Variants in ACTN1 observed in about 807,000 individuals in gnomAD.
ACTN1 encodes the protein actinin alpha 1, also known as alpha-actinin-1.
A neutral mutation model predicts 119.6 loss-of-function variants in ACTN1; 30 were observed. The observed-to-expected ratio is 0.25, with a 90% CI of 0.19 to 0.34. ACTN1 has a LOEUF of 0.34. ACTN1 is among the 10% of genes least tolerant of loss of function. The probability of loss-of-function intolerance (pLI) is 1.00; values close to 1 mark genes in which losing one functional copy is unlikely to be tolerated. For synonymous variants in ACTN1, 429 were observed against 472.6 expected, an observed-to-expected ratio of 0.91 and a Z score of 1.20; for missense variants, 764 against 1,223.4, an observed-to-expected ratio of 0.62 and a Z score of 5.60.
intron 4 of ACTN1, 126 bp downstream of exon 4, chr14:68,912,030 T>G (rs1298349030): frequency 1.3e-6 from 1 of 769,050 alleles, no homozygotes; most frequent in Middle Eastern, 2.4e-4. Flanking sequence ...GCCCAATAAA[T>G]GAGCAAGAAG....
At position 68,975,767 on chromosome 14, in the gene ACTN1, T is replaced by C. The variant is rs114864294; in HGVS notation, c.105+3185A>G. 5.0e-3 allele frequency among the ~76,000 whole-genome samples: 765 copies of C among 152,306 alleles called. 6 individuals carry two copies. The highest frequency in any genetic ancestry group is 0.017 in the African/African-American group (688 of 41,548). On this transcript the variant is annotated intron_variant, in intron 1 of 21. Coordinates refer to ENST00000394419, the MANE Select transcript of ACTN1 (RefSeq NM_001130004.2). ...CTGTCTGGAAGATAACTGCATTTTG[T>C]GTCTGGAGGCATGGCGACCAGCCCA...
chr14:68,881,210 T>G, intron 16 of ACTN1: 1 of 484,962 alleles, frequency 2.1e-6, no homozygotes, highest in Middle Eastern at 5.5e-4. Flanking sequence ...ACTGTTATCA[T>G]TGGATGAAAT....
intron 1 of ACTN1, among the ~76,000 whole-genome samples, chr14:68,939,368 C>T (rs894163999): frequency 3.3e-5 from 5 of 152,178 alleles, no homozygotes; most frequent in Admixed American, 6.5e-5. Flanking sequence ...CCAGTACTTG[C>T]GACTGGGCCT....
At chr14:68,948,421 T>C (rs559196652) in intron 1 of ACTN1, among the ~76,000 whole-genome samples, 3 of 152,070 alleles carry the variant, frequency 2.0e-5, no homozygotes, top group Non-Finnish European at 4.4e-5. Flanking sequence ...CTACTAAAAA[T>C]ACAAAAATTA....
In ACTN1 at chr14:68,909,269, A is replaced by T; in HGVS notation, c.594+49T>A. On this transcript the variant is annotated intron_variant, in intron 6 of 21. Coordinates refer to ENST00000394419, the MANE Select transcript of ACTN1 (RefSeq NM_001130004.2). The surrounding 1 kb of genome is among the most constrained non-coding windows in gnomAD (Gnocchi z 4.1). ...AGGGTCCTAGTCCTGCTCTTTTCCC[A>T]CCCCACCTGCCAGGGACCCAAAGCG... The T allele has an allele frequency of 1.9e-6, 3 of 1,584,442 alleles. No homozygotes were observed. Among genetic ancestry groups the T allele is most frequent in the Non-Finnish European group, 2.6e-6 (3 of 1,155,024 alleles).
At chr14:68,900,237 A>G (rs1327296399) in intron 8 of ACTN1, among the ~76,000 whole-genome samples, 2 of 152,060 alleles carry the variant, frequency 1.3e-5, no homozygotes, top group Admixed American at 6.5e-5. Flanking sequence ...AAAATGTCCT[A>G]CTGATTTTGT....
In ACTN1 at chr14:68,978,935, C is replaced by G; in HGVS notation, c.105+17G>C. The G allele has an allele frequency of 7.5e-7, 1 of 1,339,762 alleles. No homozygotes were observed. Among genetic ancestry groups the G allele is most frequent in the Non-Finnish European group, 1.0e-6 (1 of 966,916 alleles). The allele number at this position is 1,339,762 out of a possible 1,614,324, so 83.0% of individuals were successfully genotyped here. ...GCTGGGGGCTGGGGGCTGCAGCGGG[C>G]GGGGGCGGCTGCTAACCTTTCTCTG... On this transcript the variant is annotated intron_variant, in intron 1 of 21. Transcript: ENST00000394419.
intron 3 of ACTN1, among the ~76,000 whole-genome samples, chr14:68,915,995 G>A (rs754293484): frequency 3.9e-5 from 6 of 152,198 alleles, no homozygotes; most frequent in Non-Finnish European, 5.9e-5. Context: ...GACTAAGCAA[G>A]AGAGCGAGAC....
In ACTN1 at chr14:68,885,260, C is replaced by T. The variant is rs1441263748; in HGVS notation, c.1385+165G>A. ...TGGCAGTGGTCCCGGGCTCCTTCCCCACCAGGAGAGATATTTGTCTCCTGC... is the reference window on the plus strand; with the variant it reads ...TGGCAGTGGTCCCGGGCTCCTTCCCTACCAGGAGAGATATTTGTCTCCTGC... On this transcript the variant is annotated intron_variant, in intron 12 of 21. Transcript: ENST00000394419. This position sits in a 1 kb window ranked among gnomAD's most constrained non-coding sequence, Gnocchi z 5.6. Among the ~76,000 whole-genome samples the T allele has an allele frequency of 6.6e-6, 1 of 152,054 alleles. No individual in the cohort carries two copies. Among genetic ancestry groups the T allele is most frequent in the Non-Finnish European group, 1.5e-5 (1 of 67,992 alleles).
At chr14:68,976,131 C>T (rs4902683) in intron 1 of ACTN1, among the ~76,000 whole-genome samples, 107,909 of 152,064 alleles carry the variant, frequency 0.71, 38,706 homozygotes, top group East Asian at 1. Context: ...TGCTGAATGA[C>T]CTAATAAAAG....
At chr14:68,978,222 C>G in intron 1 of ACTN1, 1 of 456,268 alleles carries the variant, frequency 2.2e-6, no homozygotes, top group Non-Finnish European at 4.4e-6. Flanking sequence ...CCCACCTTTC[C>G]CGGGGGTCGG....
chr14:68,939,052 G>A (rs539584350), intron 1 of ACTN1, among the ~76,000 whole-genome samples: 101 of 152,340 alleles, frequency 6.6e-4, no homozygotes, highest in African/African-American at 1.3e-3. Flanking sequence ...CAAAGGCACC[G>A]TGCTTGAGAG....
In ACTN1 at chr14:68,893,739, T is replaced by C. The variant is rs762234114; in HGVS notation, c.771A>G (p.Thr257=). 1 of 1,613,906 alleles carries C rather than the reference T, an allele frequency of 6.2e-7. No individual in the cohort carries two copies. The highest frequency in any genetic ancestry group is 8.5e-7 in the Non-Finnish European group (1 of 1,179,982). The stretch of plus-strand genomic sequence containing the variant: ...ACACCTTGCAGATGCGATTGGCTGC[T>C]GTCTCCGCCTGGCAACAAGACAGAG... ...HAFSGAQKAE[T]AANRICKVLA... Residue 257 remains threonine (T), a synonymous_variant, in exon 9 of 22, where the codon ACA becomes ACG. Transcript: ENST00000394419.
At chr14:68,910,138 C>CA in intron 4 of ACTN1, 96 bp from the exon 5 acceptor site, 2 of 905,882 alleles carry the variant, frequency 2.2e-6, no homozygotes, top group Non-Finnish European at 1.7e-6. Context: ...CCTTTGATGC[C>CA]AACCCTGCAG....
chr14:68,953,663 G>C (rs950805547), intron 1 of ACTN1, among the ~76,000 whole-genome samples: 1 of 151,824 alleles, frequency 6.6e-6, no homozygotes, highest in African/African-American at 2.4e-5. Flanking sequence ...CAGATCATGA[G>C]GTCAGGAGTT....
chr14:68,881,946 T>TG, intron 16 of ACTN1, among the ~76,000 whole-genome samples: 1 of 95,970 alleles, frequency 1.0e-5, no homozygotes, highest in Non-Finnish European at 1.9e-5. Context: ...CTTTTTTTTT[T>TG]TTTTTTTTTG....
intron 1 of ACTN1, chr14:68,978,711 C>T: frequency 2.9e-6 from 1 of 347,426 alleles, no homozygotes; most frequent in Admixed American, 5.1e-5. Context: ...ACCTGCCCGC[C>T]AGCGGCGCCA....
chr14:68,876,347 C>T (rs1259336762), intron 21 of ACTN1, among the ~76,000 whole-genome samples: 1 of 152,196 alleles, frequency 6.6e-6, no homozygotes, highest in African/African-American at 2.4e-5. Flanking sequence ...GTGACTTTTA[C>T]TGAACAGAAC....
intron 1 of ACTN1, among the ~76,000 whole-genome samples, chr14:68,948,575 C>G (rs2036021357): frequency 6.6e-6 from 1 of 151,244 alleles, no homozygotes; most frequent in Non-Finnish European, 1.5e-5. Context: ...AAGACTCCAT[C>G]TTAAAAAAAA....
Sources: gnomAD v4.1 joint callset for allele counts (sites outside exome capture counted in the v4.1 genomes callset) on GRCh38, gnomAD v4.1.1 for gene constraint, Gnocchi (gnomAD v3.1) non-coding constraint, MANE v1.5 for transcripts, NCBI Gene and HGNC (gene_info 2026-07-23, HGNC 2026-07-21) for gene names.